PLCB1: variants seen among roughly 807,000 people sequenced by gnomAD.
PLCB1 encodes 1-phosphatidylinositol 4,5-bisphosphate phosphodiesterase beta-1.
In PLCB1, 46 loss-of-function variants were observed where a neutral mutation model predicts 161.8. The observed-to-expected ratio is 0.28, with a 90% CI of 0.22 to 0.36. The LOEUF is 0.36. PLCB1 is among the 10% of genes least tolerant of loss of function. The pLI, the probability that PLCB1 is intolerant of heterozygous loss-of-function variation, is 1.00. For synonymous variants in PLCB1, 517 were observed against 503.7 expected (o/e 1.03, Z -0.35); for missense variants, 1,016 against 1,472.5 (o/e 0.69, Z 5.07).
chr20:8,265,270 T>A (rs1373225319), intron 2 of PLCB1, among the ~76,000 whole-genome samples: 1 of 152,176 alleles, frequency 6.6e-6, no homozygotes. Flanking sequence ...AGTGAATGCA[T>A]ATAAAAAAAC....
At chr20:8,861,138 G>T (rs1323957966) in intron 31 of PLCB1, among the ~76,000 whole-genome samples, 1 of 152,150 alleles carries the variant, frequency 6.6e-6, no homozygotes, top group Non-Finnish European at 1.5e-5. Flanking sequence ...AATCTAAAAG[G>T]CTATGTTTTT....
chr20:8,458,383 A>G (rs934156884), intron 3 of PLCB1, among the ~76,000 whole-genome samples: 1 of 152,190 alleles, frequency 6.6e-6, no homozygotes, highest in Non-Finnish European at 1.5e-5. Flanking sequence ...CATCTCAGTA[A>G]GTGATCATTC....
intron 31 of PLCB1, chr20:8,792,749 AG>A (rs1983826094): frequency 5.0e-6 from 2 of 403,446 alleles, no homozygotes; most frequent in African/African-American, 4.2e-5. Flanking sequence ...TGTGCCTTAA[AG>A]CTGTGATTTT....
intron 2 of PLCB1, among the ~76,000 whole-genome samples, chr20:8,344,338 G>A (rs780032724): frequency 6.6e-6 from 1 of 152,154 alleles, no homozygotes; most frequent in African/African-American, 2.4e-5. Flanking sequence ...ACTGGGCACC[G>A]TGTCCTTAGT....
At position 8,722,291 on chromosome 20, in the gene PLCB1, A is replaced by G. The variant is rs549885491; in HGVS notation, c.1514-63A>G. ...ATTGATTTTAGGTAAAATATGTGTT[A>G]CAAATGCTGTAAAGCTAAATGTTGA... On this transcript the variant is annotated intron_variant, in intron 14 of 31. Coordinates refer to ENST00000338037, the MANE Select transcript of PLCB1 (RefSeq NM_015192.4). 2.4e-6 allele frequency: 3 copies of G among 1,251,240 alleles called. No homozygotes were observed. In the Admixed American group the frequency reaches 6.0e-5, roughly 25 times the overall value. The allele number at this position is 1,251,240 out of a possible 1,614,324, so 77.5% of individuals were successfully genotyped here. A position where few individuals can be genotyped will look rare whatever the true frequency, so the allele number is the denominator to read the frequency against.
At chr20:8,806,790 G>A (rs1226287547) in intron 31 of PLCB1, among the ~76,000 whole-genome samples, 1 of 152,156 alleles carries the variant, frequency 6.6e-6, no homozygotes, top group African/African-American at 2.4e-5. Flanking sequence ...CCCTCAGGAT[G>A]CTAGGCATTC....
At position 8,151,196 on chromosome 20, in the gene PLCB1, A is replaced by G. The variant is rs188396791; in HGVS notation, c.177+825A>G. 8.1e-4 allele frequency among the ~76,000 whole-genome samples: 123 copies of G among 152,326 alleles called. 1 individual carries two copies. The highest frequency in any genetic ancestry group is 3.4e-3 in the Middle Eastern group (1 of 294). ...AGGGTTTACTGAGAATGCTAAATACATACTGAAAACAATAGAATAGTAATA... is the reference window on the plus strand; with the variant it reads ...AGGGTTTACTGAGAATGCTAAATACGTACTGAAAACAATAGAATAGTAATA... On this transcript the variant is annotated intron_variant, in intron 2 of 31. Transcript: ENST00000338037.
rs189411359 is a variant in PLCB1, at chr20:8,212,215, T to C, written c.177+61844T>C. Among the ~76,000 whole-genome samples the C allele has an allele frequency of 1.6e-3, 242 of 152,278 alleles. 1 individual carries two copies. Among genetic ancestry groups the C allele is most frequent in the Middle Eastern group, 3.4e-3 (1 of 294 alleles). Reference sequence around the variant, plus strand: ...ACAAGGGTGATTCATTAGTGGTACATTAGAAAAGCCTGATTTTTGTTTTGC... The same window carrying C: ...ACAAGGGTGATTCATTAGTGGTACACTAGAAAAGCCTGATTTTTGTTTTGC... On this transcript the variant is annotated intron_variant, in intron 2 of 31. Coordinates refer to ENST00000338037, the MANE Select transcript of PLCB1 (RefSeq NM_015192.4).
chr20:8,553,331 G>A (rs1985835874), intron 3 of PLCB1, among the ~76,000 whole-genome samples: 1 of 152,132 alleles, frequency 6.6e-6, no homozygotes, highest in Non-Finnish European at 1.5e-5. Context: ...TTAGTGGAGT[G>A]CCAAAGATTT....
chr20:8,669,968 T>C (rs1989904712), intron 9 of PLCB1, among the ~76,000 whole-genome samples: 1 of 152,212 alleles, frequency 6.6e-6, no homozygotes, highest in Non-Finnish European at 1.5e-5. Flanking sequence ...ACATTTTTCC[T>C]CCCTTGCATT....
chr20:8,265,758 C>CCTAGCAA (rs1483111438), intron 2 of PLCB1, among the ~76,000 whole-genome samples: 2 of 152,112 alleles, frequency 1.3e-5, no homozygotes, highest in Admixed American at 6.6e-5. Context: ...TTTTCTTTAA[C>CCTAGCAA]CTAGCAACAG....
intron 12 of PLCB1, among the ~76,000 whole-genome samples, chr20:8,714,251 T>C (rs1385219872): frequency 6.6e-6 from 1 of 152,158 alleles, no homozygotes; most frequent in Admixed American, 6.5e-5. Flanking sequence ...ATTCTGCTGA[T>C]GGTTCAGGGG....
intron 31 of PLCB1, among the ~76,000 whole-genome samples, chr20:8,828,529 G>T (rs995597674): frequency 2.6e-5 from 4 of 152,166 alleles, no homozygotes; most frequent in African/African-American, 9.7e-5. Flanking sequence ...TCTTGAGGAT[G>T]AGCTCACTAA....
At chr20:8,607,959 G>A (rs986796725) in intron 3 of PLCB1, among the ~76,000 whole-genome samples, 2 of 152,160 alleles carry the variant, frequency 1.3e-5, no homozygotes, top group Non-Finnish European at 2.9e-5. Flanking sequence ...CCATTCCACA[G>A]TGAATACATG....
At position 8,831,904 on chromosome 20, in the gene PLCB1, CTT is replaced by C. The variant is rs1568616915; in HGVS notation, c.3423+41645_3423+41646del. Among the ~76,000 whole-genome samples the C allele has an allele frequency of 4.3e-3, 362 of 83,272 alleles. 3 individuals are homozygous for C. Among genetic ancestry groups the C allele is most frequent in the African/African-American group, 0.014 (346 of 25,526 alleles). The allele number at this position is 83,272 out of a possible 152,430, so 54.6% of individuals were successfully genotyped here. A position where few individuals can be genotyped will look rare whatever the true frequency, so the allele number is the denominator to read the frequency against. ...TTTCTTTCTCTTTCTTTCTCCCTCTCTTTCTTTCTCTTTCTTTCTTTCTTTCT... is the reference window on the plus strand; with the variant it reads ...TTTCTTTCTCTTTCTTTCTCCCTCTCTCTTTCTCTTTCTTTCTTTCTTTCT... On this transcript the variant is annotated intron_variant, in intron 31 of 31. Coordinates refer to ENST00000338037, the MANE Select transcript of PLCB1 (RefSeq NM_015192.4).
rs575929809 is a variant in PLCB1 at position 8,883,015 on chromosome 20, A to G, written c.*1166A>G. On this transcript the variant is annotated 3_prime_UTR_variant, in exon 32 of 32. Coordinates refer to ENST00000338037, the MANE Select transcript of PLCB1 (RefSeq NM_015192.4). ...GAGAAGAAAAGGGTCAAACATCGAGATTACATGGATGTTAAATTATATGGA... is the reference window on the plus strand; with the variant it reads ...GAGAAGAAAAGGGTCAAACATCGAGGTTACATGGATGTTAAATTATATGGA... 1.3e-5 allele frequency: 2 copies of G among 152,770 alleles called. No homozygotes were observed. The highest frequency in any genetic ancestry group is 1.3e-4 in the Admixed American group (2 of 15,304). The allele number at this position is 152,770 out of a possible 1,614,324, so 9.5% of individuals were successfully genotyped here.
At chr20:8,559,958 G>A (rs1986090897) in intron 3 of PLCB1, among the ~76,000 whole-genome samples, 1 of 151,924 alleles carries the variant, frequency 6.6e-6, no homozygotes, top group South Asian at 2.1e-4. Context: ...TAGGAGGCAA[G>A]TTTTGAGTAC....
At chr20:8,575,425 G>A (rs1391370708) in intron 3 of PLCB1, among the ~76,000 whole-genome samples, 1 of 152,192 alleles carries the variant, frequency 6.6e-6, no homozygotes, top group Non-Finnish European at 1.5e-5. Flanking sequence ...TGCATAGACA[G>A]AGCCCATATG....
chr20:8,657,012 G>A (rs1327619169), intron 7 of PLCB1, among the ~76,000 whole-genome samples, 172 bp from the exon 8 acceptor site: 1 of 151,822 alleles, frequency 6.6e-6, no homozygotes, highest in Non-Finnish European at 1.5e-5. Context: ...TGTTATGAAT[G>A]TTTACCCTGA....
Sources: allele counts gnomAD v4.1 joint callset (sites outside exome capture counted in the v4.1 genomes callset), GRCh38; gene constraint gnomAD v4.1.1; transcripts MANE v1.5; gene names NCBI Gene and HGNC (gene_info 2026-07-23, HGNC 2026-07-21).